The following CEP112 variants were observed in gnomAD, a reference collection of about 807,000 sequenced individuals.
CEP112 encodes the protein centrosomal protein 112, also known as centrosomal protein of 112 kDa.
A neutral mutation model predicts 153.0 loss-of-function variants in CEP112; 127 were observed. The observed-to-expected ratio is 0.83, with a 90% CI of 0.72 to 0.96. The LOEUF (loss-of-function observed/expected upper bound fraction) is 0.96, where lower values mean the gene tolerates loss of function less well. Ranked by LOEUF, CEP112 falls within the 40% of genes least tolerant of loss-of-function variation. The pLI is 0.00. For synonymous variants in CEP112, 358 were observed against 374.4 expected, an observed-to-expected ratio of 0.96 and a Z score of 0.51; for missense variants, 1,089 against 1,101.2, an observed-to-expected ratio of 0.99 and a Z score of 0.16.
chr17:65,951,689 A>G (rs2061832080), intron 18 of CEP112, among the ~76,000 whole-genome samples: 1 of 148,888 alleles, frequency 6.7e-6, no homozygotes, highest in Admixed American at 6.8e-5. Flanking sequence ...GGCTTCATTA[A>G]TTTTCCATAT....
intron 21 of CEP112, among the ~76,000 whole-genome samples, chr17:65,845,304 A>G (rs1403949967): frequency 1.3e-5 from 2 of 152,186 alleles, no homozygotes; most frequent in Non-Finnish European, 2.9e-5. Context: ...GGGCAACAAG[A>G]GCAAAACTCC....
chr17:66,106,697 C>T (rs938054433), intron 6 of CEP112, among the ~76,000 whole-genome samples: 2 of 151,988 alleles, frequency 1.3e-5, no homozygotes, highest in African/African-American at 4.8e-5. Context: ...GGCTTCACTG[C>T]TGAATTTTAT....
chr17:66,169,478 G>C (rs2072151901), intron 4 of CEP112, among the ~76,000 whole-genome samples: 1 of 151,900 alleles, frequency 6.6e-6, no homozygotes, highest in Non-Finnish European at 1.5e-5. Flanking sequence ...TAGAGACGGG[G>C]TTTCACCATA....
intron 8 of CEP112, among the ~76,000 whole-genome samples, chr17:66,076,841 T>A (rs1004807061): frequency 5.3e-5 from 8 of 152,160 alleles, no homozygotes; most frequent in African/African-American, 1.9e-4. Flanking sequence ...CAGGTGCTGG[T>A]ATCCATGGCT....
At chr17:66,014,605 T>G (rs1228485389) in intron 16 of CEP112, among the ~76,000 whole-genome samples, 2 of 152,080 alleles carry the variant, frequency 1.3e-5, no homozygotes, top group Admixed American at 1.3e-4. Flanking sequence ...CCAGCTCAAG[T>G]GTGGGGGTCA....
At chr17:66,116,082 A>C (rs1337479669) in intron 6 of CEP112, among the ~76,000 whole-genome samples, 1 of 152,238 alleles carries the variant, frequency 6.6e-6, no homozygotes, top group Non-Finnish European at 1.5e-5. Context: ...AGAGGGTTAG[A>C]AAAAATTTGA....
chr17:65,789,268 T>C (rs943457058), intron 21 of CEP112, among the ~76,000 whole-genome samples: 6 of 152,214 alleles, frequency 3.9e-5, no homozygotes, highest in African/African-American at 1.2e-4. Context: ...CTTTTACTTC[T>C]AGATTTTCAC....
chr17:65,848,155 A>C (rs768388622), intron 21 of CEP112, among the ~76,000 whole-genome samples: 3 of 152,120 alleles, frequency 2.0e-5, no homozygotes, highest in Non-Finnish European at 4.4e-5. Flanking sequence ...GCCCCAAAAT[A>C]TATTCTCTTT....
intron 3 of CEP112, chr17:66,176,587 TCA>T (rs2072484983): frequency 3.1e-6 from 1 of 322,808 alleles, no homozygotes; most frequent in Non-Finnish European, 5.5e-6. Context: ...AATTTCGTTT[TCA>T]GTTTTTTAGA....
At chr17:65,971,189 G>A (rs576149775) in intron 17 of CEP112, among the ~76,000 whole-genome samples, 12 of 144,210 alleles carry the variant, frequency 8.3e-5, no homozygotes, top group African/African-American at 2.7e-4. Context: ...TACAGCACAT[G>A]CATATCACAT....
intron 21 of CEP112, among the ~76,000 whole-genome samples, chr17:65,821,573 A>G (rs1261563668): frequency 1.1e-5 from 1 of 90,150 alleles, no homozygotes. Flanking sequence ...TTTTTCTGAG[A>G]CGGAGTCTTG....
At chr17:66,005,325 C>T (rs1055047481) in intron 17 of CEP112, among the ~76,000 whole-genome samples, 1 of 152,140 alleles carries the variant, frequency 6.6e-6, no homozygotes, top group African/African-American at 2.4e-5. Context: ...AATATAACAA[C>T]TGGAACATTT....
chr17:65,746,014 A>C (rs1000414394), intron 22 of CEP112, among the ~76,000 whole-genome samples: 2 of 151,914 alleles, frequency 1.3e-5, no homozygotes, highest in Non-Finnish European at 2.9e-5. Context: ...AAATACAAAA[A>C]ATTAGCTGGG....
At chr17:66,005,617 T>A (rs755112212) in intron 17 of CEP112, 73 bp downstream of exon 17, 3 of 1,524,872 alleles carry the variant, frequency 2.0e-6, no homozygotes, top group Non-Finnish European at 2.6e-6. Flanking sequence ...AGTGTTTAGG[T>A]CCCAGTTACT....
At chr17:65,881,376 A>C (rs962168738) in intron 20 of CEP112, among the ~76,000 whole-genome samples, 1 of 151,576 alleles carries the variant, frequency 6.6e-6, no homozygotes, top group Non-Finnish European at 1.5e-5. Context: ...TTTACACATT[A>C]ACTTCAGAGG....
At chr17:65,649,010 C>T (rs1285408408) in intron 24 of CEP112, among the ~76,000 whole-genome samples, 3 of 152,046 alleles carry the variant, frequency 2.0e-5, no homozygotes, top group Non-Finnish European at 4.4e-5. Context: ...AACATCGTGC[C>T]ACTGCACTCT....
At chr17:65,936,834 CCT>C (rs2061327147) in intron 18 of CEP112, among the ~76,000 whole-genome samples, 1 of 147,128 alleles carries the variant, frequency 6.8e-6, no homozygotes, top group African/African-American at 2.5e-5. Context: ...TCTCCCTCTC[CCT>C]CTCTTTCCAC....
chr17:65,835,316 C>G (rs1393764314), intron 21 of CEP112, among the ~76,000 whole-genome samples: 1 of 151,828 alleles, frequency 6.6e-6, no homozygotes, highest in African/African-American at 2.4e-5. Context: ...GAAAATTTCT[C>G]AAATCCCAAG....
chr17:65,957,788 A>T (rs924791205), intron 18 of CEP112, among the ~76,000 whole-genome samples: 1 of 152,070 alleles, frequency 6.6e-6, no homozygotes, highest in African/African-American at 2.4e-5. Context: ...CAAGACTTTT[A>T]TGAGAATGTA....
Sources: allele counts gnomAD v4.1 joint callset (sites outside exome capture counted in the v4.1 genomes callset), GRCh38; gene constraint gnomAD v4.1.1; transcripts MANE v1.5; gene names NCBI Gene and HGNC (gene_info 2026-07-23, HGNC 2026-07-21).